TRAK1: variants seen among roughly 807,000 people sequenced by gnomAD.
The protein encoded by TRAK1 is trafficking kinesin-binding protein 1.
A neutral mutation model predicts 92.1 loss-of-function variants in TRAK1; 33 were observed. The observed-to-expected ratio is 0.36, with a 90% CI of 0.27 to 0.48. The LOEUF is 0.48. TRAK1 is among the 20% of genes least tolerant of loss of function. The probability of loss-of-function intolerance (pLI) is 0.99; values close to 1 mark genes in which losing one functional copy is unlikely to be tolerated. For missense variants in TRAK1, 1,123 were observed against 1,257.9 expected, an observed-to-expected ratio of 0.89 and a Z score of 1.62; for synonymous variants, 521 against 517.3, an observed-to-expected ratio of 1.01 and a Z score of -0.10.
intron 1 of TRAK1, among the ~76,000 whole-genome samples, chr3:42,029,770 A>C (rs565377712): frequency 1.6e-4 from 25 of 152,266 alleles, no homozygotes; most frequent in African/African-American, 5.5e-4. Flanking sequence ...GCTGGTCTCA[A>C]ACTCCTGGCC....
At position 42,047,200 on chromosome 3, in the gene TRAK1, CTTTTT is replaced by C. The variant is rs561224807; in HGVS notation, c.-519+33104_-519+33108del. On this transcript the variant is annotated intron_variant, in intron 1 of 16. Coordinates refer to the TRAK1 transcript ENST00000487159. The stretch of plus-strand genomic sequence containing the variant: ...TATAAATACTCTCACAAAAACTGAT[CTTTTT>C]TTTTTTTTTTTTTTTTTTTTAAATC... Among the ~76,000 whole-genome samples the C allele has an allele frequency of 4.9e-3, 526 of 107,140 alleles. 3 individuals carry two copies. Among genetic ancestry groups the C allele is most frequent in the Middle Eastern group, 0.012 (2 of 172 alleles). 70.3% of individuals were successfully genotyped at this position (107,140 alleles called of 152,430 possible).
intron 2 of TRAK1, among the ~76,000 whole-genome samples, chr3:42,144,068 G>A (rs141656910): frequency 6.4e-4 from 98 of 152,200 alleles, no homozygotes; most frequent in Admixed American, 9.8e-4. Flanking sequence ...GCTCAATAAT[G>A]TGTTGTCACT....
chr3:42,222,677 T>C (rs780194335), intron 15 of TRAK1, among the ~76,000 whole-genome samples: 15 of 152,188 alleles, frequency 9.9e-5, no homozygotes, highest in Non-Finnish European at 2.1e-4. Flanking sequence ...GCCTGTTTCT[T>C]CATCTGCAAA....
At chr3:42,084,630 G>A (rs1704588689), upstream of TRAK1, among the ~76,000 whole-genome samples, 1 of 152,048 alleles carries the variant, frequency 6.6e-6, no homozygotes, top group African/African-American at 2.4e-5. Flanking sequence ...TCCCATCCTG[G>A]ACCCTTGACC....
rs145960725 is a variant in TRAK1 at position 42,061,357 on chromosome 3, C to CCACA, written c.-518-25734_-518-25731dup. 4.2e-3 allele frequency among the ~76,000 whole-genome samples: 585 copies of CCACA among 139,648 alleles called. 9 individuals carry two copies. The highest frequency in any genetic ancestry group is 0.026 in the Middle Eastern group (7 of 270). The allele number at this position is 139,648 out of a possible 152,430, so 91.6% of individuals were successfully genotyped here. On this transcript the variant is annotated intron_variant, in intron 1 of 16. Coordinates refer to the TRAK1 transcript ENST00000487159. ...GCACACCCCACCCCCCCACGCACAC[C>CCACA]CACACACACACACACAGTGCCAGGG...
intron 1 of TRAK1, among the ~76,000 whole-genome samples, chr3:42,093,508 C>G (rs113494527): frequency 0.072 from 10,850 of 151,438 alleles, 444 homozygotes; most frequent in Middle Eastern, 0.18. Context: ...AGTTTTTTTC[C>G]ATGTGATTTT....
intron 10 of TRAK1, among the ~76,000 whole-genome samples, chr3:42,198,351 G>C (rs1315743837): frequency 6.6e-6 from 1 of 152,238 alleles, no homozygotes; most frequent in African/African-American, 2.4e-5. Context: ...AAGCTGGAGA[G>C]AGAAACATGT....
Position 42,202,731 on chromosome 3 carries a change from C to T in TRAK1, c.1723C>T (p.Gln575Ter), listed in dbSNP as rs754192850. The T allele has an allele frequency of 1.2e-6, 2 of 1,613,938 alleles. No homozygotes were observed. Among genetic ancestry groups the T allele is most frequent in the Non-Finnish European group, 8.5e-7 (1 of 1,179,900 alleles). The change falls in exon 13 of 16, where the codon CAG becomes TAG. Residue 575 changes from glutamine (Q) to a stop codon, truncating the protein, a stop_gained. Coordinates refer to ENST00000327628, the MANE Select transcript of TRAK1 (RefSeq NM_001042646.3). LOFTEE classifies it high-confidence loss of function. This position sits in a 1 kb window ranked among gnomAD's most constrained non-coding sequence, Gnocchi z 6.1. ...SSRSYLPEKLQIVKPLEGSAT... is the reference protein window; with the variant it reads ...SSRSYLPEKL The stretch of plus-strand genomic sequence containing the variant: ...CCGCTCCTACCTGCCTGAGAAGCTC[C>T]AGATCGTGAAGCCGCTGGAAGGTGA...
chr3:42,217,515 A>T, intron 14 of TRAK1: 1 of 985,126 alleles, frequency 1.0e-6, no homozygotes, highest in Non-Finnish European at 1.2e-6. Flanking sequence ...TCCATCTTAC[A>T]CTCCCTATTG....
intron 1 of TRAK1, among the ~76,000 whole-genome samples, chr3:42,067,352 T>A (rs1159223567): frequency 2.0e-5 from 3 of 152,360 alleles, no homozygotes; most frequent in Non-Finnish European, 4.4e-5. Flanking sequence ...AAGAACAAGA[T>A]ATGTAGCTAA....
chr3:42,176,379 G>T (rs1362648730), intron 2 of TRAK1, among the ~76,000 whole-genome samples: 1 of 152,156 alleles, frequency 6.6e-6, no homozygotes, highest in Non-Finnish European at 1.5e-5. Flanking sequence ...CTTTCTGAAG[G>T]ATCCCAGTCT....
intron 2 of TRAK1, among the ~76,000 whole-genome samples, chr3:42,131,103 A>G (rs2149168209): frequency 6.6e-6 from 1 of 152,228 alleles, no homozygotes; most frequent in South Asian, 2.1e-4. Context: ...TCATCCCAGG[A>G]GAGTGGGAAT....
intron 2 of TRAK1, among the ~76,000 whole-genome samples, chr3:42,127,661 C>T (rs980795409): frequency 1.3e-5 from 2 of 152,130 alleles, no homozygotes; most frequent in African/African-American, 4.8e-5. Context: ...GCACTTGGCA[C>T]CATTCACACT....
rs374216835 is a variant in TRAK1, at chr3:42,200,885, C to T, written c.1258C>T (p.Pro420Ser). The T allele has an allele frequency of 3.1e-6, 5 of 1,614,038 alleles. No individual in the cohort carries two copies. Among genetic ancestry groups the T allele is most frequent in the Non-Finnish European group, 4.2e-6 (5 of 1,180,046 alleles). ...GGTTGTCAAGCAGAGATCTCTGACC[C>T]CTTCTCCCATGAACATCCCCGGCTC... ...NQVVKQRSLT[P>S]SPMNIPGSNQ... The change falls in exon 12 of 16, where the codon CCT becomes TCT. Residue 420 changes from proline (P) to serine (S), a missense_variant. Transcript: ENST00000327628.
chr3:42,035,863 C>T (rs1702306911), intron 1 of TRAK1, among the ~76,000 whole-genome samples: 1 of 152,228 alleles, frequency 6.6e-6, no homozygotes, highest in Non-Finnish European at 1.5e-5. Flanking sequence ...TCTGCAGTTA[C>T]CTCTGCCTAT....
chr3:42,080,861 CAT>C (rs897491539), intron 1 of TRAK1, among the ~76,000 whole-genome samples: 2 of 152,106 alleles, frequency 1.3e-5, no homozygotes, highest in African/African-American at 4.8e-5. Flanking sequence ...GGTCATTTTA[CAT>C]GTTTGACTAT....
chr3:42,075,397 G>T (rs936261283), intron 1 of TRAK1, among the ~76,000 whole-genome samples: 8 of 151,532 alleles, frequency 5.3e-5, no homozygotes, highest in Non-Finnish European at 8.8e-5. Flanking sequence ...GCCCAGGCTG[G>T]TCTTGAACTC....
At chr3:42,060,861 C>T (rs1050680890) in intron 1 of TRAK1, among the ~76,000 whole-genome samples, 19 of 152,036 alleles carry the variant, frequency 1.2e-4, no homozygotes, top group Admixed American at 2.6e-4. Context: ...GAACTCCTGA[C>T]CTCAGTTGAT....
In TRAK1 at chr3:42,145,103, C is replaced by G. The variant is rs529543429; in HGVS notation, c.286+19489C>G. Among the ~76,000 whole-genome samples, 4 of 152,306 alleles carry G rather than the reference C, an allele frequency of 2.6e-5. No homozygotes were observed. In the South Asian group the frequency reaches 8.3e-4, roughly 32 times the overall value. The stretch of plus-strand genomic sequence containing the variant: ...CATAATCTTCCACCTCCTCGCCTCC[C>G]CAAAGGAGCTACTTTAACATTTTAG... On this transcript the variant is annotated intron_variant, in intron 2 of 15. Coordinates refer to ENST00000327628, the MANE Select transcript of TRAK1 (RefSeq NM_001042646.3).
Sources: allele counts gnomAD v4.1 joint callset (sites outside exome capture counted in the v4.1 genomes callset), GRCh38; gene constraint gnomAD v4.1.1; non-coding constraint Gnocchi (gnomAD v3.1); transcripts MANE v1.5; gene names NCBI Gene and HGNC (gene_info 2026-07-23, HGNC 2026-07-21).